The following PARM1 variants were observed in gnomAD, a reference collection of about 807,000 sequenced individuals.
PARM1 encodes WSC4, cell wall integrity and stress response component 4 homolog.
In PARM1, 14 loss-of-function variants were observed where a neutral mutation model predicts 24.6. The ratio of observed to expected loss-of-function variants is 0.57; its 90% CI spans 0.38 to 0.89. The LOEUF is 0.89. Among genes scored for constraint, PARM1 ranks in the 40% least tolerant of loss-of-function variants. The probability of loss-of-function intolerance (pLI) is 0.00; values close to 1 mark genes in which losing one functional copy is unlikely to be tolerated. For missense variants in PARM1, 362 were observed against 380.4 expected (o/e 0.95, Z 0.40); for synonymous variants, 179 against 156.6 (o/e 1.14, Z -1.07).
intron 1 of PARM1, among the ~76,000 whole-genome samples, chr4:74,962,251 G>T (rs1231959158): frequency 1.3e-5 from 2 of 152,052 alleles, no homozygotes; most frequent in East Asian, 3.8e-4. Flanking sequence ...ATAACATTAG[G>T]ATGTTAAATG....
chr4:74,969,225 G>A lies in PARM1; in HGVS notation c.43+35855G>A, dbSNP rs541160883. On this transcript the variant is annotated intron_variant, in intron 1 of 3. Coordinates refer to ENST00000307428, the MANE Select transcript of PARM1 (RefSeq NM_015393.4). ...GTACCCAGAGAGAGCCAAGCTCATG[G>A]GTCCCTTGTCGTTGTGTTGAGGGGG... Among the ~76,000 whole-genome samples, 3 of 152,278 alleles carry A rather than the reference G, an allele frequency of 2.0e-5. No homozygotes were observed. In the South Asian group the frequency reaches 6.2e-4, roughly 32 times the overall value.
At chr4:74,969,235 CGTTGT>C (rs1423220186) in intron 1 of PARM1, among the ~76,000 whole-genome samples, 4 of 152,096 alleles carry the variant, frequency 2.6e-5, no homozygotes, top group African/African-American at 9.7e-5. Context: ...GGTCCCTTGT[CGTTGT>C]GTTGAGGGGG....
Position 74,952,764 on chromosome 4 carries a change from A to G in PARM1, c.43+19394A>G, listed in dbSNP as rs527888630. On this transcript the variant is annotated intron_variant, in intron 1 of 3. Transcript: ENST00000307428. The stretch of plus-strand genomic sequence containing the variant: ...TTCACTGAAAAACATAGAAAATGTG[A>G]CCTTGTAGGACAGTGGTTTTCTGTT... Among the ~76,000 whole-genome samples, 3 of 152,308 alleles carry G rather than the reference A, an allele frequency of 2.0e-5. No homozygotes were observed. In the South Asian group the frequency reaches 6.2e-4, roughly 32 times the overall value.
chr4:74,998,713 A>G (rs1259758817), intron 1 of PARM1, among the ~76,000 whole-genome samples: 1 of 152,218 alleles, frequency 6.6e-6, no homozygotes, highest in African/African-American at 2.4e-5. Context: ...GGTGTGAGCT[A>G]CAAGCATGCA....
intron 1 of PARM1, among the ~76,000 whole-genome samples, chr4:74,970,924 G>T (rs369723164): frequency 2.0e-5 from 3 of 152,152 alleles, no homozygotes; most frequent in African/African-American, 7.2e-5. Context: ...TCTTCACTCA[G>T]TGACTTTGAG....
chr4:75,028,331 A>G (rs570391722), intron 2 of PARM1, among the ~76,000 whole-genome samples: 6 of 152,294 alleles, frequency 3.9e-5, no homozygotes, highest in South Asian at 4.1e-4. Context: ...CCAGTCGCCC[A>G]CTTCCCTCCT....
intron 2 of PARM1, among the ~76,000 whole-genome samples, chr4:75,020,775 G>A (rs1553972415): frequency 6.6e-6 from 1 of 152,062 alleles, no homozygotes; most frequent in Non-Finnish European, 1.5e-5. Flanking sequence ...TTGACTTAGG[G>A]CCTTGACTCA....
intron 1 of PARM1, among the ~76,000 whole-genome samples, chr4:74,941,825 A>G (rs1721315786): frequency 6.6e-6 from 1 of 152,236 alleles, no homozygotes; most frequent in South Asian, 2.1e-4. Context: ...GCTTACTTCC[A>G]GGCAGCCTTC....
At chr4:74,966,742 A>C (rs1314184842) in intron 1 of PARM1, 1 of 152,160 alleles carries the variant, frequency 6.6e-6, no homozygotes, top group Non-Finnish European at 1.5e-5. Flanking sequence ...ACCCACATTC[A>C]CCTCATAGCT....
chr4:75,046,067 C>T (rs1399994077), intron 3 of PARM1, 96 bp from the exon 4 acceptor site: 1 of 754,950 alleles, frequency 1.3e-6, no homozygotes, highest in African/African-American at 1.7e-5. Context: ...CTCTCCCTGG[C>T]CCCATAAGCA....
chr4:75,018,256 GT>G (rs1723025210), intron 2 of PARM1, among the ~76,000 whole-genome samples: 1 of 152,200 alleles, frequency 6.6e-6, no homozygotes, highest in African/African-American at 2.4e-5. Flanking sequence ...GGGAGACACT[GT>G]AGATGTAGGA....
chr4:74,965,374 G>A (rs1264504130), intron 1 of PARM1: 1 of 152,244 alleles, frequency 6.6e-6, no homozygotes, highest in South Asian at 2.1e-4. Context: ...AGATGGGCTA[G>A]AGCAGGTGGA....
rs189516252 is a variant in PARM1, at chr4:75,025,917, A to C, written c.770-7966A>C. ...CACTAACTAGCATGTAGATAAGAGT[A>C]TAAACATGAGGTAAAACATTCCAGC... On this transcript the variant is annotated intron_variant, in intron 2 of 3. Coordinates refer to ENST00000307428, the MANE Select transcript of PARM1 (RefSeq NM_015393.4). Among the ~76,000 whole-genome samples, 620 of 152,314 alleles carry C rather than the reference A, an allele frequency of 4.1e-3. 2 individuals carry two copies. The highest frequency in any genetic ancestry group is 0.014 in the African/African-American group (595 of 41,556).
intron 3 of PARM1, among the ~76,000 whole-genome samples, chr4:75,043,816 C>G (rs559024774): frequency 4.3e-4 from 66 of 152,274 alleles, no homozygotes; most frequent in African/African-American, 1.6e-3. Context: ...AAGCTACCTC[C>G]CTTATTTCTA....
intron 3 of PARM1, among the ~76,000 whole-genome samples, chr4:75,042,330 G>C (rs1359464483): frequency 1.3e-5 from 2 of 152,186 alleles, no homozygotes; most frequent in Admixed American, 6.5e-5. Context: ...TGGCTATATT[G>C]AATCAGTGCC....
chr4:74,948,326 C>T (rs2109983516), intron 1 of PARM1, among the ~76,000 whole-genome samples: 1 of 152,340 alleles, frequency 6.6e-6, no homozygotes, highest in Middle Eastern at 3.4e-3. Context: ...AACTAAAAAT[C>T]TCATGTAAAC....
chr4:74,984,137 C>T lies in PARM1; in HGVS notation c.44-28288C>T, dbSNP rs1306032125. Among the ~76,000 whole-genome samples the T allele has an allele frequency of 4.7e-4, 71 of 152,170 alleles. 1 individual carries two copies. Among genetic ancestry groups the T allele is most frequent in the Admixed American group, 4.4e-3 (67 of 15,270 alleles). ...TTAACCAATTAGTGTGACTTATCTCCTGTCCTGTGAGGAGAAACCATTCTA... is the reference window on the plus strand; with the variant it reads ...TTAACCAATTAGTGTGACTTATCTCTTGTCCTGTGAGGAGAAACCATTCTA... On this transcript the variant is annotated intron_variant, in intron 1 of 3. Coordinates refer to ENST00000307428, the MANE Select transcript of PARM1 (RefSeq NM_015393.4).
At chr4:74,966,643 A>G (rs776499188) in intron 1 of PARM1, 3 of 152,212 alleles carry the variant, frequency 2.0e-5, no homozygotes, top group Non-Finnish European at 2.9e-5. Flanking sequence ...GCACAGGGGA[A>G]CCCAGCTGAA....
At chr4:75,019,911 G>A (rs895929374) in intron 2 of PARM1, among the ~76,000 whole-genome samples, 1 of 148,402 alleles carries the variant, frequency 6.7e-6, no homozygotes, top group Admixed American at 6.8e-5. Context: ...GCTGAGGCAG[G>A]AGAATGGCGT....
Sources: gnomAD v4.1 joint callset for allele counts (sites outside exome capture counted in the v4.1 genomes callset) on GRCh38, gnomAD v4.1.1 for gene constraint, MANE v1.5 for transcripts, NCBI Gene and HGNC (gene_info 2026-07-23, HGNC 2026-07-21) for gene names.